ELMO1: variants seen among roughly 807,000 people sequenced by gnomAD.
ELMO1 encodes the protein engulfment and cell motility protein 1.
In ELMO1, 26 loss-of-function variants were observed where a neutral mutation model predicts 98.9. The ratio of observed to expected loss-of-function variants is 0.26; its 90% CI spans 0.19 to 0.36. The LOEUF (loss-of-function observed/expected upper bound fraction) is 0.36. Ranked by LOEUF, ELMO1 falls within the 10% of genes least tolerant of loss-of-function variation. The pLI, the probability that ELMO1 is intolerant of heterozygous loss-of-function variation, is 1.00. For synonymous variants in ELMO1, 346 were observed against 346.0 expected (o/e 1.00, Z 0.00); for missense variants, 627 against 935.2 (o/e 0.67, Z 4.30).
chr7:36,976,410 G>T (rs1020002893), intron 16 of ELMO1, among the ~76,000 whole-genome samples: 14 of 152,268 alleles, frequency 9.2e-5, no homozygotes, highest in African/African-American at 3.1e-4. Context: ...TGAACAGAAG[G>T]TGCTAATAAA....
intron 1 of ELMO1, among the ~76,000 whole-genome samples, chr7:37,365,195 T>C (rs75993298): frequency 0.081 from 12,326 of 152,262 alleles, 608 homozygotes; most frequent in Middle Eastern, 0.12. Context: ...CCTAAATTCT[T>C]GCAGCAATCA....
chr7:37,384,005 C>T (rs560058208), intron 1 of ELMO1, among the ~76,000 whole-genome samples: 14 of 152,208 alleles, frequency 9.2e-5, no homozygotes, highest in South Asian at 2.1e-4. Context: ...TTAGTAGAGA[C>T]GGGGTTTCAC....
chr7:37,141,416 G>A (rs1018910083), intron 13 of ELMO1, among the ~76,000 whole-genome samples: 6 of 152,162 alleles, frequency 3.9e-5, no homozygotes, highest in African/African-American at 1.4e-4. Context: ...TGGGTACAGT[G>A]TACACTGCTC....
intron 15 of ELMO1, among the ~76,000 whole-genome samples, chr7:37,093,741 GTAACAATCCT>G (rs1278004385): frequency 6.6e-6 from 1 of 152,178 alleles, no homozygotes; most frequent in African/African-American, 2.4e-5. Context: ...CAATCAGAAA[GTAACAATCCT>G]TAATATTTTA....
intron 16 of ELMO1, among the ~76,000 whole-genome samples, chr7:36,993,556 C>A (rs1792006155): frequency 1.3e-5 from 2 of 152,066 alleles, no homozygotes; most frequent in South Asian, 4.1e-4. Context: ...AACCATGACC[C>A]CTAAGCAAAT....
At chr7:37,011,897 C>T (rs1793586550) in intron 16 of ELMO1, among the ~76,000 whole-genome samples, 1 of 152,220 alleles carries the variant, frequency 6.6e-6, no homozygotes, top group Admixed American at 6.5e-5. Context: ...AAGTCTCTCA[C>T]AATCAAGCGA....
At position 36,951,208 on chromosome 7, in the gene ELMO1, T is replaced by G. The variant is rs533663592; in HGVS notation, c.1438-56191A>C. 2.4e-4 allele frequency among the ~76,000 whole-genome samples: 37 copies of G among 152,280 alleles called. 1 individual carries two copies. Among genetic ancestry groups the G allele is most frequent in the African/African-American group, 8.7e-4 (36 of 41,548 alleles). On this transcript the variant is annotated intron_variant, in intron 16 of 21. Transcript: ENST00000310758. ...TCTATTCTGGACTCAGCAATAGAGA[T>G]CATCTTAAAAGGGAGTCCAGATCAG...
At chr7:37,403,869 T>C (rs535661837) in intron 1 of ELMO1, among the ~76,000 whole-genome samples, 5 of 152,220 alleles carry the variant, frequency 3.3e-5, no homozygotes, top group South Asian at 2.1e-4. Flanking sequence ...TCAAAACCCA[T>C]AGAACATACG....
intron 1 of ELMO1, among the ~76,000 whole-genome samples, chr7:37,345,056 C>A (rs1240090320): frequency 2.0e-5 from 3 of 152,192 alleles, no homozygotes; most frequent in African/African-American, 7.2e-5. Flanking sequence ...AAATAACTAA[C>A]TTCAGCGCAG....
chr7:37,123,037 T>C (rs1000244373), intron 14 of ELMO1, among the ~76,000 whole-genome samples: 2 of 151,926 alleles, frequency 1.3e-5, no homozygotes, highest in South Asian at 2.1e-4. Context: ...GAATGACTAC[T>C]AGGTACATAA....
chr7:37,303,547 T>C (rs1175366375), intron 4 of ELMO1, among the ~76,000 whole-genome samples: 1 of 152,198 alleles, frequency 6.6e-6, no homozygotes, highest in Non-Finnish European at 1.5e-5. Context: ...ATTATAAGAA[T>C]CACAGAGCCA....
chr7:37,084,342 A>G (rs1317719471), intron 15 of ELMO1, among the ~76,000 whole-genome samples: 1 of 152,268 alleles, frequency 6.6e-6, no homozygotes, highest in Non-Finnish European at 1.5e-5. Flanking sequence ...TGAAGCAAAC[A>G]GAAAGCTACT....
intron 13 of ELMO1, among the ~76,000 whole-genome samples, chr7:37,152,706 T>A (rs184355834): frequency 2.3e-4 from 35 of 152,242 alleles, no homozygotes; most frequent in South Asian, 2.1e-3. Flanking sequence ...GGTAGCTTCA[T>A]TTAGTGAAGT....
chr7:37,205,062 A>G (rs188777321), intron 13 of ELMO1, among the ~76,000 whole-genome samples: 39 of 152,294 alleles, frequency 2.6e-4, no homozygotes, highest in African/African-American at 9.4e-4. Flanking sequence ...GTCCCCACCC[A>G]ACCCAGAAGC....
intron 16 of ELMO1, among the ~76,000 whole-genome samples, chr7:36,961,322 G>C (rs1788930428): frequency 6.6e-6 from 1 of 152,092 alleles, no homozygotes. Context: ...GTATGAATAA[G>C]ACAGAGACAG....
At chr7:37,409,839 T>A (rs1360147976) in intron 1 of ELMO1, among the ~76,000 whole-genome samples, 1 of 152,232 alleles carries the variant, frequency 6.6e-6, no homozygotes, top group Non-Finnish European at 1.5e-5. Flanking sequence ...TAAACCCTAT[T>A]GCTAGATGGC....
At chr7:37,327,038 T>TC (rs1445202279) in intron 2 of ELMO1, among the ~76,000 whole-genome samples, 2 of 152,226 alleles carry the variant, frequency 1.3e-5, no homozygotes, top group South Asian at 2.1e-4. Context: ...ACAACGTTTT[T>TC]CCCCAATTTC....
At chr7:36,949,454 T>A (rs995870581) in intron 16 of ELMO1, among the ~76,000 whole-genome samples, 1 of 151,256 alleles carries the variant, frequency 6.6e-6, no homozygotes, top group Non-Finnish European at 1.5e-5. Context: ...CCCTTCTCAA[T>A]GTGCATGGCC....
intron 13 of ELMO1, among the ~76,000 whole-genome samples, chr7:37,174,703 C>T (rs567761595): frequency 3.3e-5 from 5 of 152,236 alleles, no homozygotes; most frequent in East Asian, 1.9e-4. Flanking sequence ...ATTCATTGAA[C>T]GGCACTCACT....
Sources: gnomAD v4.1 joint callset for allele counts (sites outside exome capture counted in the v4.1 genomes callset) on GRCh38, gnomAD v4.1.1 for gene constraint, MANE v1.5 for transcripts, NCBI Gene and HGNC (gene_info 2026-07-23, HGNC 2026-07-21) for gene names.